EIF4E1B: variants seen among roughly 807,000 people sequenced by gnomAD.
EIF4E1B encodes the protein eukaryotic translation initiation factor 4E type 1B.
Under a neutral mutation model 31.3 loss-of-function variants are expected in EIF4E1B, and 22 were observed. The ratio of observed to expected loss-of-function variants is 0.70; its 90% CI spans 0.50 to 1.00. The LOEUF (loss-of-function observed/expected upper bound fraction) is 1.00, where lower values mean the gene tolerates loss of function less well. Ranked by LOEUF, EIF4E1B falls within the 50% of genes least tolerant of loss-of-function variation. The pLI is 0.00. For synonymous variants in EIF4E1B, 126 were observed against 120.2 expected (o/e 1.05, Z -0.31); for missense variants, 290 against 311.6 (o/e 0.93, Z 0.52).
chr5:176,644,754 T>G (rs1231881342), intron 6 of EIF4E1B: 3 of 496,138 alleles, frequency 6.0e-6, no homozygotes, highest in Admixed American at 3.8e-5. Context: ...CCTGGAGGGC[T>G]GACATTGTGT....
In EIF4E1B at chr5:176,645,208, C is replaced by T. The variant is rs867316543; in HGVS notation, c.439C>T (p.Arg147Cys). The T allele has an allele frequency of 1.6e-5, 26 of 1,590,188 alleles. No homozygotes were observed. Among genetic ancestry groups the T allele is most frequent in the Non-Finnish European group, 2.0e-5 (23 of 1,168,694 alleles). The change falls in exon 7 of 9, where the codon CGC becomes TGC. Residue 147 changes from arginine (R) to cysteine (C), a missense_variant. Coordinates refer to ENST00000318682, the MANE Select transcript of EIF4E1B (RefSeq NM_001099408.2). This position sits in a 1 kb window ranked among gnomAD's most constrained non-coding sequence, Gnocchi z 5.4. Reference protein sequence around the residue: ...RWLVSLAKQQRHIELDRLWLE... With the variant: ...RWLVSLAKQQCHIELDRLWLE... ...GCTGGTCAGCCTGGCCAAGCAGCAG[C>T]GCCACATTGAGCTGGACCGGCTGTG...
chr5:176,643,626 C>G lies in EIF4E1B; in HGVS notation c.201-13C>G. On this transcript the variant is annotated splice_polypyrimidine_tract_variant and intron_variant, in intron 4 of 8. Coordinates refer to ENST00000318682, the MANE Select transcript of EIF4E1B (RefSeq NM_001099408.2). ...TCTGCTTCCTCCTGGCTGCCTCCCC[C>G]TTCCCCTACCAGGTGGGCTCTGTGG... The G allele has an allele frequency of 6.3e-7, 1 of 1,596,262 alleles. No homozygotes were observed. The highest frequency in any genetic ancestry group is 8.5e-7 in the Non-Finnish European group (1 of 1,171,310).
intron 5 of EIF4E1B, 118 bp downstream of exon 5, chr5:176,643,852 G>A: frequency 9.1e-7 from 1 of 1,099,680 alleles, no homozygotes. Flanking sequence ...CTGGGGCTTT[G>A]TGGGTTCTGC....
chr5:176,632,291 T>TG (rs1760414427), intron 1 of EIF4E1B, among the ~76,000 whole-genome samples: 1 of 152,222 alleles, frequency 6.6e-6, no homozygotes, highest in Non-Finnish European at 1.5e-5. Flanking sequence ...AGTCTCCCTC[T>TG]GTCACCCAGG....
rs199835250 is a variant in EIF4E1B at position 176,645,384 on chromosome 5, G to A, written c.482G>A (p.Cys161Tyr). The part of the protein sequence containing the change: ...LDRLWLETLL[C>Y]LIGESFEEHS... ...CCCCTACTTCGGGTCCAGCTGCTGT[G>A]TCTGATCGGGGAGAGCTTTGAGGAA... Residue 161 changes from cysteine to tyrosine, a missense_variant, in exon 8 of 9, where the codon TGT (cysteine) becomes TAT (tyrosine). Transcript: ENST00000318682. This position sits in a 1 kb window ranked among gnomAD's most constrained non-coding sequence, Gnocchi z 5.4. The A allele has an allele frequency of 4.5e-4, 694 of 1,531,854 alleles. 1 individual carries two copies. Among genetic ancestry groups the A allele is most frequent in the Non-Finnish European group, 5.9e-4 (667 of 1,137,134 alleles). The allele number at this position is 1,531,854 out of a possible 1,614,324, so 94.9% of individuals were successfully genotyped here.
chr5:176,643,691 C>A lies in EIF4E1B; in HGVS notation c.253C>A (p.Leu85Met), dbSNP rs777342115. The change falls in exon 5 of 9, where the codon CTG becomes ATG. Residue 85 changes from leucine (L) to methionine (M), a missense_variant. By Grantham distance (15) the Leu-to-Met change is conservative. Coordinates refer to ENST00000318682, the MANE Select transcript of EIF4E1B (RefSeq NM_001099408.2). ...CCGCAGCCGGGCCTGGCAGGACAAC[C>A]TGCACCTGGTCACCAAGGTGGACAC... ...NDRSRAWQDNLHLVTKVDTVE... is the reference protein window; with the variant it reads ...NDRSRAWQDNMHLVTKVDTVE... 1.9e-6 allele frequency: 3 copies of A among 1,613,208 alleles called. No individual in the cohort carries two copies. Among genetic ancestry groups the A allele is most frequent in the Non-Finnish European group, 2.5e-6 (3 of 1,179,612 alleles).
chr5:176,642,865 C>CCCCCCCCCG lies in EIF4E1B; in HGVS notation c.15+63_15+64insCCCCCCCCG, dbSNP rs56115420. On this transcript the variant is annotated intron_variant, in intron 3 of 8. Transcript: ENST00000318682. ...GCCCCGCCCTCTCCCCCCCCCCCCC[C>CCCCCCCCCG]GCCCCAGGTGGGCGGGGCAGGTGCT... 78 of 1,173,034 alleles carry CCCCCCCCCG rather than the reference C, an allele frequency of 6.6e-5. 3 individuals are homozygous for CCCCCCCCCG. The highest frequency in any genetic ancestry group is 1.6e-4 in the African/African-American group (7 of 43,356). 72.7% of individuals were successfully genotyped at this position (1,173,034 alleles called of 1,614,324 possible). A position where few individuals can be genotyped will look rare whatever the true frequency, so the allele number is the denominator to read the frequency against.
intron 1 of EIF4E1B, among the ~76,000 whole-genome samples, chr5:176,634,738 C>T (rs1351581893): frequency 5.7e-5 from 8 of 139,806 alleles, no homozygotes; most frequent in African/African-American, 2.1e-4. Context: ...GGCGTGATGT[C>T]GGCTCACTGC....
At position 176,645,627 on chromosome 5, in the gene EIF4E1B, T is replaced by A; in HGVS notation, c.614+111T>A. 1 of 1,393,024 alleles carries A rather than the reference T, an allele frequency of 7.2e-7. No homozygotes were observed. The highest frequency in any genetic ancestry group is 9.4e-7 in the Non-Finnish European group (1 of 1,058,624). The allele number at this position is 1,393,024 out of a possible 1,614,324, so 86.3% of individuals were successfully genotyped here. On this transcript the variant is annotated intron_variant, in intron 8 of 8. Coordinates refer to ENST00000318682, the MANE Select transcript of EIF4E1B (RefSeq NM_001099408.2). The surrounding 1 kb of genome is among the most constrained non-coding windows in gnomAD (Gnocchi z 5.4). ...CCTCTGAAAGTCTCCATAGCCTCCC[T>A]CCCTTCTGCCTTGCCCACCTGTATG...
At chr5:176,639,236 G>A (rs1037348801) in intron 1 of EIF4E1B, among the ~76,000 whole-genome samples, 1 of 152,208 alleles carries the variant, frequency 6.6e-6, no homozygotes, top group Non-Finnish European at 1.5e-5. Flanking sequence ...GCCAAGGTCA[G>A]AACCAGCTTC....
intron 1 of EIF4E1B, among the ~76,000 whole-genome samples, chr5:176,640,169 C>T (rs1325167342): frequency 1.3e-5 from 2 of 152,200 alleles, no homozygotes; most frequent in African/African-American, 2.4e-5. Context: ...TCTGGGAACC[C>T]AGCCACCACG....
intron 1 of EIF4E1B, among the ~76,000 whole-genome samples, chr5:176,640,498 T>C (rs1319883483): frequency 6.6e-6 from 1 of 152,236 alleles, no homozygotes; most frequent in Non-Finnish European, 1.5e-5. Context: ...AGGGCCTATC[T>C]ATCACTAAAT....
chr5:176,645,445 C>A lies in EIF4E1B; in HGVS notation c.543C>A (p.Ile181=). 6.6e-7 allele frequency: 1 copy of A among 1,516,258 alleles called. No individual in the cohort carries two copies. The highest frequency in any genetic ancestry group is 8.8e-7 in the Non-Finnish European group (1 of 1,132,132). 93.9% of individuals were successfully genotyped at this position (1,516,258 alleles called of 1,614,324 possible). ...AGGTATGTGGGGCCGTCGTCAACATCCGCACCAAGGGGGACAAGATCGCTG... is the reference window on the plus strand; with the variant it reads ...AGGTATGTGGGGCCGTCGTCAACATACGCACCAAGGGGGACAAGATCGCTG... The part of the protein sequence containing the change: ...SREVCGAVVN[I]RTKGDKIAVW... Residue 181 remains isoleucine, a synonymous_variant, in exon 8 of 9, where the codon ATC becomes ATA. Coordinates refer to ENST00000318682, the MANE Select transcript of EIF4E1B (RefSeq NM_001099408.2). The surrounding 1 kb of genome is among the most constrained non-coding windows in gnomAD (Gnocchi z 5.4).
intron 1 of EIF4E1B, among the ~76,000 whole-genome samples, chr5:176,637,237 G>A (rs1339283587): frequency 2.6e-5 from 4 of 152,310 alleles, no homozygotes; most frequent in East Asian, 1.9e-4. Context: ...TCACGAGTTC[G>A]AGACCAGACT....
At chr5:176,644,090 C>T (rs1028342710) in intron 5 of EIF4E1B, 5 of 568,588 alleles carry the variant, frequency 8.8e-6, no homozygotes, top group Non-Finnish European at 1.2e-5. Context: ...AAGGGCTACA[C>T]AAGCCCTAGG....
In EIF4E1B at chr5:176,638,063, G is replaced by C. The variant is rs1041256356; in HGVS notation, c.-201-3980G>C. 6.6e-6 allele frequency among the ~76,000 whole-genome samples: 1 copy of C among 152,190 alleles called. No individual in the cohort carries two copies. The highest frequency in any genetic ancestry group is 3.2e-3 in the Middle Eastern group (1 of 316). ...TCCAGCGTTTTCGGCTGAGCAGTTG[G>C]AAGGGTGGAGAAGACGGTTGGAAGA... On this transcript the variant is annotated intron_variant, in intron 1 of 8. Coordinates refer to ENST00000318682, the MANE Select transcript of EIF4E1B (RefSeq NM_001099408.2). This position sits in a 1 kb window ranked among gnomAD's most constrained non-coding sequence, Gnocchi z 4.3.
chr5:176,641,060 C>T (rs573504949), intron 1 of EIF4E1B, among the ~76,000 whole-genome samples: 1 of 152,330 alleles, frequency 6.6e-6, no homozygotes, highest in Admixed American at 6.5e-5. Flanking sequence ...TGGGTCACGC[C>T]TGTAATCCCA....
At chr5:176,643,512 T>C (rs1760634910) in intron 4 of EIF4E1B, 127 bp from the exon 5 acceptor site, 7 of 945,656 alleles carry the variant, frequency 7.4e-6, no homozygotes, top group Admixed American at 6.8e-5. Context: ...GAGAGGGGAA[T>C]GCTGTGCCCC....
intron 5 of EIF4E1B, 34 bp downstream of exon 5, chr5:176,643,768 GGGGCTCT>G (rs1335119566): frequency 6.3e-6 from 10 of 1,590,798 alleles, no homozygotes; most frequent in Non-Finnish European, 7.7e-6. Flanking sequence ...CTAGAGTTGG[GGGGCTCT>G]GAGCTCTGGG....
Sources: allele counts gnomAD v4.1 joint callset (sites outside exome capture counted in the v4.1 genomes callset), GRCh38; gene constraint gnomAD v4.1.1; non-coding constraint Gnocchi (gnomAD v3.1); transcripts MANE v1.5; gene names NCBI Gene and HGNC (gene_info 2026-07-23, HGNC 2026-07-21).